The following HOXA3 variants were observed in gnomAD, a reference collection of about 807,000 sequenced individuals.
The protein encoded by HOXA3 is homeobox protein Hox-A3.
Under a neutral mutation model 30.3 loss-of-function variants are expected in HOXA3, and 8 were observed. The observed-to-expected ratio is 0.26, with a 90% CI of 0.15 to 0.48. The LOEUF (loss-of-function observed/expected upper bound fraction) is 0.48. HOXA3 is among the 20% of genes least tolerant of loss of function. The pLI, the probability that HOXA3 is intolerant of heterozygous loss-of-function variation, is 0.99. For missense variants in HOXA3, 653 were observed against 614.4 expected, an observed-to-expected ratio of 1.06 and a Z score of -0.66; for synonymous variants, 323 against 273.1, an observed-to-expected ratio of 1.18 and a Z score of -1.80.
At chr7:27,114,283 T>G (rs911615201) in intron 4 of HOXA3, among the ~76,000 whole-genome samples, 1 of 152,134 alleles carries the variant, frequency 6.6e-6, no homozygotes, top group African/African-American at 2.4e-5. Flanking sequence ...AAAGGGGCTC[T>G]CTTGCTGGGC....
intron 1 of HOXA3, among the ~76,000 whole-genome samples, chr7:27,148,868 G>A (rs1782876891): frequency 6.6e-6 from 1 of 152,256 alleles, no homozygotes; most frequent in South Asian, 2.1e-4. Flanking sequence ...GGCCAAGCTG[G>A]GCACAGAGGG....
chr7:27,110,143 T>G lies in HOXA3; in HGVS notation c.498A>C (p.Thr166=), dbSNP rs1784276945. Residue 166 remains threonine (T), a synonymous_variant, in exon 5 of 6, where the codon ACA becomes ACC. Coordinates refer to ENST00000612286, the MANE Select transcript of HOXA3 (RefSeq NM_153631.3). ...FPWMKESRQN[T]KQKTSSSSSG... ...AGCTGGAGCTGCTGGTTTTCTGCTT[T>G]GTGTTTTGTCGAGACTCTTTCATCC... is the stretch of plus-strand genomic sequence containing the variant. 6.2e-7 allele frequency: 1 copy of G among 1,614,052 alleles called. No individual in the cohort carries two copies. Among genetic ancestry groups the G allele is most frequent in the African/African-American group, 1.3e-5 (1 of 74,910 alleles).
chr7:27,108,158 G>A lies in HOXA3; in HGVS notation c.1089C>T (p.Ser363=), dbSNP rs774105933. 1.3e-6 allele frequency: 2 copies of A among 1,579,234 alleles called. No homozygotes were observed. The highest frequency in any genetic ancestry group is 1.1e-5 in the South Asian group (1 of 87,936). The change falls in exon 6 of 6, where the codon AGC becomes AGT. Residue 363 remains serine (S), a synonymous_variant. Coordinates refer to ENST00000612286, the MANE Select transcript of HOXA3 (RefSeq NM_153631.3). The surrounding 1 kb of genome is among the most constrained non-coding windows in gnomAD (Gnocchi z 5.0). The stretch of plus-strand genomic sequence containing the variant: ...CATAGCTGCCCCCCACGAAGACGGG[G>A]CTTCCCTGTATGTGTGGGGTCCCAT... ...GSYGTPHIQG[S]PVFVGGSYVE...
intron 2 of HOXA3, chr7:27,129,928 A>G (rs993639508): frequency 6.1e-6 from 4 of 655,350 alleles, no homozygotes; most frequent in Non-Finnish European, 1.0e-5. Context: ...CCCTGGGTAC[A>G]AAAGGGTTCT....
rs28357146 is a variant in HOXA3, at chr7:27,133,536, G to A, written c.-389-6466C>T. 5.9e-5 allele frequency among the ~76,000 whole-genome samples: 9 copies of A among 152,346 alleles called. No homozygotes were observed. In the East Asian group the frequency reaches 9.6e-4, roughly 16 times the overall value. On this transcript the variant is annotated intron_variant, in intron 2 of 5. Coordinates refer to ENST00000612286, the MANE Select transcript of HOXA3 (RefSeq NM_153631.3). ...CTTTCCTTAGGAAACTGGTGAGCAC[G>A]TTTGCTCATTTCCACGTGCAGGGAT...
chr7:27,111,046 G>C (rs1784345685), intron 4 of HOXA3, among the ~76,000 whole-genome samples: 1 of 152,162 alleles, frequency 6.6e-6, no homozygotes, highest in African/African-American at 2.4e-5. Context: ...AAGGAGAAAG[G>C]CTTGATAGGC....
At chr7:27,152,173 TG>T in intron 1 of HOXA3, 114 bp downstream of exon 1, 1 of 429,166 alleles carries the variant, frequency 2.3e-6, no homozygotes. Context: ...TGGGTGAGTA[TG>T]GGTAAGGGGG....
intron 2 of HOXA3, among the ~76,000 whole-genome samples, chr7:27,137,643 T>C (rs904555783): frequency 5.9e-5 from 9 of 152,234 alleles, no homozygotes; most frequent in African/African-American, 2.2e-4. Flanking sequence ...CAGTAACACA[T>C]AGGTCTGACT....
At chr7:27,142,915 C>A in intron 1 of HOXA3, 1 of 831,106 alleles carries the variant, frequency 1.2e-6, no homozygotes, top group Non-Finnish European at 1.9e-6. Context: ...GGAGGGAGAA[C>A]GGCAAGGAGA....
intron 4 of HOXA3, among the ~76,000 whole-genome samples, chr7:27,118,305 A>C (rs1315649600): frequency 6.6e-6 from 1 of 152,212 alleles, no homozygotes; most frequent in Non-Finnish European, 1.5e-5. Context: ...GTTGGGGGAA[A>C]GCTCTGGCTC....
intron 1 of HOXA3, chr7:27,145,690 C>T: frequency 6.2e-7 from 1 of 1,614,154 alleles, no homozygotes; most frequent in Non-Finnish European, 8.5e-7. Flanking sequence ...GAGTCCTCCC[C>T]GCTGGGCTGC....
chr7:27,114,517 A>T (rs1784567708), intron 4 of HOXA3, among the ~76,000 whole-genome samples: 1 of 151,750 alleles, frequency 6.6e-6, no homozygotes, highest in South Asian at 2.1e-4. Flanking sequence ...TCTTTGGTTA[A>T]ATTTTCAGGC....
At chr7:27,132,592 G>A (rs1442840286) in intron 2 of HOXA3, among the ~76,000 whole-genome samples, 2 of 152,244 alleles carry the variant, frequency 1.3e-5, no homozygotes, top group South Asian at 2.1e-4. Flanking sequence ...TTCACATGAG[G>A]CACCCTGAAA....
At chr7:27,129,573 T>G in intron 2 of HOXA3, 1 of 1,611,096 alleles carries the variant, frequency 6.2e-7, no homozygotes, top group East Asian at 2.2e-5. Flanking sequence ...TGGGGTTAAC[T>G]GAAAACCCAG....
At chr7:27,147,562 G>C in intron 1 of HOXA3, 5 of 1,614,234 alleles carry the variant, frequency 3.1e-6, no homozygotes. Flanking sequence ...GGCCAGGACC[G>C]AGTTGGACTG....
intron 4 of HOXA3, among the ~76,000 whole-genome samples, chr7:27,111,606 G>A (rs1784383686): frequency 6.6e-6 from 1 of 151,928 alleles, no homozygotes; most frequent in South Asian, 2.1e-4. Flanking sequence ...CTGTTTCTCA[G>A]GCACTTCCCA....
At chr7:27,117,957 C>G (rs1166370464) in intron 4 of HOXA3, among the ~76,000 whole-genome samples, 1 of 152,154 alleles carries the variant, frequency 6.6e-6, no homozygotes, top group Non-Finnish European at 1.5e-5. Flanking sequence ...TTTACACCCC[C>G]AACACTTTCC....
chr7:27,127,665 A>G (rs1409276741), intron 2 of HOXA3, among the ~76,000 whole-genome samples: 3 of 152,182 alleles, frequency 2.0e-5, no homozygotes, highest in Non-Finnish European at 4.4e-5. Flanking sequence ...TCAAATCTAA[A>G]TCAGTAAACA....
chr7:27,110,803 A>C (rs557650667), intron 4 of HOXA3, 43 bp from the exon 5 acceptor site: 2 of 998,392 alleles, frequency 2.0e-6, no homozygotes, highest in South Asian at 1.6e-5. Flanking sequence ...CTCCGCGCAA[A>C]TCCATCTTAC....
Sources: gnomAD v4.1 joint callset for allele counts (sites outside exome capture counted in the v4.1 genomes callset) on GRCh38, gnomAD v4.1.1 for gene constraint, Gnocchi (gnomAD v3.1) non-coding constraint, MANE v1.5 for transcripts, NCBI Gene and HGNC (gene_info 2026-07-23, HGNC 2026-07-21) for gene names.